Variants in ADAM32 observed in about 807,000 individuals in gnomAD.
ADAM32 encodes ADAM metallopeptidase domain 32.
A neutral mutation model predicts 114.9 loss-of-function variants in ADAM32; 89 were observed. That is an observed-to-expected ratio of 0.77 (90% confidence interval 0.65 to 0.92). The LOEUF is 0.92. Ranked by LOEUF, ADAM32 falls within the 40% of genes least tolerant of loss-of-function variation. ADAM32 has a pLI of 0.00. For synonymous variants in ADAM32, 285 were observed against 307.5 expected, an observed-to-expected ratio of 0.93 and a Z score of 0.77; for missense variants, 870 against 932.8, an observed-to-expected ratio of 0.93 and a Z score of 0.88.
chr8:39,127,726 G>A (rs1328128558), intron 2 of ADAM32, among the ~76,000 whole-genome samples: 2 of 151,668 alleles, frequency 1.3e-5, no homozygotes, highest in Non-Finnish European at 2.9e-5. Context: ...CTAGCTTTGG[G>A]GTTTGTTTGC....
chr8:39,109,709 C>A (rs1229026432), intron 1 of ADAM32, among the ~76,000 whole-genome samples: 2 of 152,176 alleles, frequency 1.3e-5, no homozygotes, highest in Admixed American at 1.3e-4. Context: ...CCATTTGTTA[C>A]AATTGAGCCT....
At chr8:39,150,004 T>C (rs1803728219) in intron 5 of ADAM32, 137 bp downstream of exon 5, 3 of 551,344 alleles carry the variant, frequency 5.4e-6, no homozygotes, top group Non-Finnish European at 9.1e-6. Context: ...CCTCTGAACA[T>C]GTTTCCAATT....
intron 17 of ADAM32, among the ~76,000 whole-genome samples, chr8:39,247,487 T>C (rs1350014996): frequency 6.6e-6 from 1 of 151,960 alleles, no homozygotes; most frequent in Non-Finnish European, 1.5e-5. Context: ...ATTTTCCATC[T>C]ATTTTTTTTT....
At chr8:39,197,196 C>T (rs907661321) in intron 11 of ADAM32, among the ~76,000 whole-genome samples, 4 of 151,852 alleles carry the variant, frequency 2.6e-5, no homozygotes, top group African/African-American at 4.8e-5. Flanking sequence ...GTCTCGTTAT[C>T]ATTATTTAAT....
chr8:39,115,995 T>A (rs1840359656), intron 1 of ADAM32, among the ~76,000 whole-genome samples: 1 of 152,170 alleles, frequency 6.6e-6, no homozygotes, highest in Admixed American at 6.6e-5. Flanking sequence ...GGATAGAGAG[T>A]CCTTTCTCCA....
At chr8:39,131,988 G>A in intron 2 of ADAM32, 1 of 324,492 alleles carries the variant, frequency 3.1e-6, no homozygotes, top group Non-Finnish European at 6.4e-6. Context: ...CCGTCTCCCG[G>A]GTTCAAACGA....
At chr8:39,228,037 A>T (rs1809505467) in intron 14 of ADAM32, among the ~76,000 whole-genome samples, 2 of 152,192 alleles carry the variant, frequency 1.3e-5, no homozygotes, top group Non-Finnish European at 2.9e-5. Flanking sequence ...ACCAGCCTGG[A>T]GCTGGGTAGA....
chr8:39,126,719 G>A (rs570238432), intron 2 of ADAM32, among the ~76,000 whole-genome samples: 12 of 152,236 alleles, frequency 7.9e-5, no homozygotes, highest in African/African-American at 2.9e-4. Context: ...TTGAATAGGA[G>A]TGAGACAGTG....
chr8:39,258,571 A>T (rs998156459), intron 19 of ADAM32, among the ~76,000 whole-genome samples: 27 of 152,082 alleles, frequency 1.8e-4, no homozygotes, highest in Admixed American at 3.3e-4. Flanking sequence ...TAATTTTATT[A>T]GCTTATTTTG....
intron 19 of ADAM32, among the ~76,000 whole-genome samples, chr8:39,263,874 T>C (rs2129450998): frequency 2.0e-5 from 3 of 152,348 alleles, no homozygotes; most frequent in Admixed American, 2.0e-4. Context: ...ATCAATAGTT[T>C]GCTCTCTTTT....
chr8:39,218,925 C>G (rs955000201), intron 12 of ADAM32, among the ~76,000 whole-genome samples: 13 of 152,090 alleles, frequency 8.5e-5, no homozygotes, highest in Admixed American at 2.0e-4. Context: ...CAGCATACTA[C>G]CTGGGTATCA....
At chr8:39,276,796 C>T (rs935831992) in intron 22 of ADAM32, among the ~76,000 whole-genome samples, 2 of 152,030 alleles carry the variant, frequency 1.3e-5, no homozygotes, top group African/African-American at 4.8e-5. Context: ...TTATTGTGAG[C>T]AAGGGAGTTA....
At chr8:39,143,292 G>GT (rs1420324230) in intron 3 of ADAM32, among the ~76,000 whole-genome samples, 2 of 152,022 alleles carry the variant, frequency 1.3e-5, no homozygotes, top group African/African-American at 2.4e-5. Context: ...GAGGCACTCT[G>GT]TTTTTTTGGA....
In ADAM32 at chr8:39,126,232, T is replaced by C. The variant is rs148102138; in HGVS notation, c.138+8067T>C. ...AATGTCAATGGTAGTGTAATGGAAA[T>C]AACATGGAATCTATAAATTATTTTT... On this transcript the variant is annotated intron_variant, in intron 2 of 24. Coordinates refer to ENST00000379907, the MANE Select transcript of ADAM32 (RefSeq NM_145004.7). Among the ~76,000 whole-genome samples, 56 of 152,344 alleles carry C rather than the reference T, an allele frequency of 3.7e-4. 2 individuals carry two copies. In the Middle Eastern group the frequency reaches 0.044, roughly 120 times the overall value.
intron 11 of ADAM32, among the ~76,000 whole-genome samples, chr8:39,209,282 T>G (rs752319565): frequency 9.8e-5 from 15 of 152,356 alleles, no homozygotes; most frequent in Middle Eastern, 3.4e-3. Context: ...AATACATTTT[T>G]CAGTTTATCT....
intron 17 of ADAM32, among the ~76,000 whole-genome samples, chr8:39,246,977 C>A (rs947630743): frequency 4.6e-5 from 7 of 152,052 alleles, no homozygotes; most frequent in Admixed American, 1.3e-4. Context: ...AGATTGGTTT[C>A]TTTCACTTAG....
At chr8:39,112,428 C>T (rs955752927) in intron 1 of ADAM32, among the ~76,000 whole-genome samples, 2 of 151,700 alleles carry the variant, frequency 1.3e-5, no homozygotes, top group Non-Finnish European at 2.9e-5. Flanking sequence ...ATGGCTTCTG[C>T]ATTTTGTTTT....
At position 39,270,903 on chromosome 8, in the gene ADAM32, A is replaced by G. The variant is rs201790912; in HGVS notation, c.2190A>G (p.Thr730=). ...SESKSEGSTQ[T]YASQSSSEGS... is the part of the protein sequence containing the mutation. ...CTAAATCGGAAGGTAGCACACAGAC[A>G]TATGCCAGCCAGTAAGTAGTTTAGA... is the stretch of plus-strand genomic sequence containing the variant. The change falls in exon 20 of 25, where the codon ACA becomes ACG. Residue 730 remains threonine, a synonymous_variant. Transcript: ENST00000379907. The G allele has an allele frequency of 8.6e-4, 1,391 of 1,610,602 alleles. 4 individuals carry two copies. The highest frequency in any genetic ancestry group is 1.1e-3 in the Non-Finnish European group (1,256 of 1,177,896).
chr8:39,262,311 T>C (rs551012244), intron 19 of ADAM32, among the ~76,000 whole-genome samples: 98 of 152,276 alleles, frequency 6.4e-4, no homozygotes, highest in Non-Finnish European at 9.7e-4. Flanking sequence ...GACTGCCCTT[T>C]CTCCAATGAA....
Sources: gnomAD v4.1 joint callset for allele counts (sites outside exome capture counted in the v4.1 genomes callset) on GRCh38, gnomAD v4.1.1 for gene constraint, MANE v1.5 for transcripts, NCBI Gene and HGNC (gene_info 2026-07-23, HGNC 2026-07-21) for gene names.